DOCK8: variants seen among roughly 807,000 people sequenced by gnomAD.
DOCK8 encodes the protein dedicator of cytokinesis protein 8.
DOCK8 carries 141 observed loss-of-function variants against 245.6 expected under a neutral mutation model. The observed-to-expected ratio is 0.57, with a 90% CI of 0.50 to 0.66. The LOEUF (loss-of-function observed/expected upper bound fraction) is 0.66. DOCK8 is among the 30% of genes least tolerant of loss of function. The pLI is 0.00. For synonymous variants in DOCK8, 1,168 were observed against 970.2 expected (o/e 1.20, Z -3.79); for missense variants, 2,965 against 2,603.4 (o/e 1.14, Z -3.02).
At chr9:361,858 C>G (rs752631503) in intron 14 of DOCK8, among the ~76,000 whole-genome samples, 2 of 152,108 alleles carry the variant, frequency 1.3e-5, no homozygotes, top group Non-Finnish European at 2.9e-5. Flanking sequence ...TAGCTGCTAA[C>G]CTTCATGCAT....
intron 26 of DOCK8, among the ~76,000 whole-genome samples, chr9:404,435 A>G (rs559202657): frequency 3.3e-5 from 5 of 152,274 alleles, no homozygotes; most frequent in South Asian, 4.1e-4. Flanking sequence ...TCTCTAGGGA[A>G]CTGGTTCTAC....
intron 45 of DOCK8, among the ~76,000 whole-genome samples, chr9:450,945 A>G (rs1161521850): frequency 6.6e-6 from 1 of 151,874 alleles, no homozygotes; most frequent in Non-Finnish European, 1.5e-5. Flanking sequence ...AACTCAAAGC[A>G]CATACCATTT....
intron 19 of DOCK8, among the ~76,000 whole-genome samples, chr9:376,717 C>T (rs546332125): frequency 3.9e-5 from 6 of 152,324 alleles, no homozygotes; most frequent in Admixed American, 2.0e-4. Flanking sequence ...TTACCTGGTA[C>T]GCTGACCTCT....
intron 24 of DOCK8, among the ~76,000 whole-genome samples, chr9:394,472 C>T (rs1188542515): frequency 5.3e-5 from 8 of 152,254 alleles, no homozygotes; most frequent in Admixed American, 5.2e-4. Flanking sequence ...ACAACAGCTT[C>T]CTTGGCCTTA....
intron 39 of DOCK8, among the ~76,000 whole-genome samples, chr9:438,432 AT>A (rs1487956423): frequency 3.3e-5 from 5 of 152,168 alleles, no homozygotes; most frequent in African/African-American, 1.2e-4. Flanking sequence ...TGTTTTTCAT[AT>A]GCATTTCTTC....
chr9:265,489 T>G (rs1306045826), intron 1 of DOCK8, among the ~76,000 whole-genome samples: 1 of 152,240 alleles, frequency 6.6e-6, no homozygotes, highest in South Asian at 2.1e-4. Context: ...TTACAGTCGT[T>G]CGTTACCAAG....
At chr9:334,981 G>T (rs1374363787) in intron 11 of DOCK8, among the ~76,000 whole-genome samples, 3 of 152,094 alleles carry the variant, frequency 2.0e-5, no homozygotes, top group African/African-American at 7.2e-5. Flanking sequence ...TACTCGGGAG[G>T]CAGAGGCAGG....
intron 38 of DOCK8, 75 bp from the exon 39 acceptor site, chr9:434,708 A>G (rs2056836297): frequency 6.6e-7 from 1 of 1,515,436 alleles, no homozygotes. Context: ...AAAAAAGAAA[A>G]GGTCACACAA....
intron 38 of DOCK8, among the ~76,000 whole-genome samples, chr9:434,520 T>G (rs1250045985): frequency 3.3e-5 from 5 of 152,102 alleles, no homozygotes; most frequent in Non-Finnish European, 7.4e-5. Flanking sequence ...AAAATAGACA[T>G]CATGTTATCA....
rs536565412 is a variant in DOCK8 at position 336,816 on chromosome 9, T to G, written c.1422+98T>G. On this transcript the variant is annotated intron_variant, in intron 12 of 47. Coordinates refer to ENST00000432829, the MANE Select transcript of DOCK8 (RefSeq NM_203447.4). ...GATACGTAGTGATTAAGAGAGCAAA[T>G]TAGTTAAGCTCACTCTCTTAGTTCA... 10 of 1,416,052 alleles carry G rather than the reference T, an allele frequency of 7.1e-6. No individual in the cohort carries two copies. The African/African-American group carries it at 1.4e-4, about 20-fold the overall frequency. The allele number at this position is 1,416,052 out of a possible 1,614,324, so 87.7% of individuals were successfully genotyped here. A position where few individuals can be genotyped will look rare whatever the true frequency, so the allele number is the denominator to read the frequency against.
At chr9:288,212 C>A (rs2048901633) in intron 3 of DOCK8, among the ~76,000 whole-genome samples, 1 of 152,080 alleles carries the variant, frequency 6.6e-6, no homozygotes, top group South Asian at 2.1e-4. Context: ...GCCAAAAAGT[C>A]TTCTGTATAA....
At chr9:214,795 C>G (rs533817104), upstream of DOCK8, 11 of 1,576,366 alleles carry the variant, frequency 7.0e-6, no homozygotes, top group African/African-American at 1.4e-4. Flanking sequence ...GTCGCTGCTC[C>G]GAGCTCGGAC....
chr9:307,160 G>A (rs1224372097), intron 5 of DOCK8, among the ~76,000 whole-genome samples: 2 of 152,102 alleles, frequency 1.3e-5, no homozygotes, highest in East Asian at 3.9e-4. Context: ...GAACCTAAAG[G>A]GAGCAGCAGA....
At chr9:293,229 C>T (rs1010611308) in intron 4 of DOCK8, among the ~76,000 whole-genome samples, 1 of 152,176 alleles carries the variant, frequency 6.6e-6, no homozygotes, top group African/African-American at 2.4e-5. Flanking sequence ...CATTCTCTTG[C>T]ACTCTGAATC....
chr9:405,069 C>T lies in DOCK8; in HGVS notation c.3386C>T (p.Ser1129Phe). Residue 1129 changes from serine to phenylalanine, a missense_variant, in exon 27 of 48, where the codon TCC (serine) becomes TTC (phenylalanine). Transcript: ENST00000432829. ...ACATCTCCTTGTCCTTCCATATCTTCCCAGGTAATAAAAGAATTATTTAAC... is the reference window on the plus strand; with the variant it reads ...ACATCTCCTTGTCCTTCCATATCTTTCCAGGTAATAAAAGAATTATTTAAC... ...APTSPCPSIS[S>F]QNSSSCSSFQ... 2 of 1,612,976 alleles carry T rather than the reference C, an allele frequency of 1.2e-6. No individual in the cohort carries two copies. The highest frequency in any genetic ancestry group is 1.7e-6 in the Non-Finnish European group (2 of 1,179,342).
chr9:273,415 A>AAT, intron 2 of DOCK8, among the ~76,000 whole-genome samples: 1 of 152,332 alleles, frequency 6.6e-6, no homozygotes, highest in South Asian at 2.1e-4. Context: ...AATTTGTGCT[A>AAT]ATATATATTT....
chr9:239,510 GA>G (rs1440802055), intron 1 of DOCK8, among the ~76,000 whole-genome samples: 1 of 152,206 alleles, frequency 6.6e-6, no homozygotes, highest in African/African-American at 2.4e-5. Context: ...TGAAAGAGCA[GA>G]ACCATGAAGG....
intron 1 of DOCK8, among the ~76,000 whole-genome samples, chr9:246,550 A>T (rs2047510086): frequency 6.6e-6 from 1 of 152,128 alleles, no homozygotes. Flanking sequence ...ATGTTCCCTT[A>T]GATCCATTTT....
chr9:463,398 C>T (rs889652417), intron 46 of DOCK8, 119 bp from the exon 47 acceptor site: 16 of 1,222,064 alleles, frequency 1.3e-5, no homozygotes, highest in Non-Finnish European at 1.8e-5. Flanking sequence ...TCCCGATATG[C>T]CACCCAGTTT....
Sources: gnomAD v4.1 joint callset for allele counts (sites outside exome capture counted in the v4.1 genomes callset) on GRCh38, gnomAD v4.1.1 for gene constraint, MANE v1.5 for transcripts, NCBI Gene and HGNC (gene_info 2026-07-23, HGNC 2026-07-21) for gene names.